MYRIP: variants seen among roughly 807,000 people sequenced by gnomAD.
The protein encoded by MYRIP is myosin VIIA and Rab interacting protein.
Under a neutral mutation model 98.0 loss-of-function variants are expected in MYRIP, and 49 were observed. That is an observed-to-expected ratio of 0.50 (90% CI 0.40 to 0.63). The LOEUF is 0.63. Ranked by LOEUF, MYRIP falls within the 30% of genes least tolerant of loss-of-function variation. The pLI, the probability that MYRIP is intolerant of heterozygous loss-of-function variation, is 0.00. For missense variants in MYRIP, 1,004 were observed against 1,058.2 expected (o/e 0.95, Z 0.71); for synonymous variants, 404 against 409.5 (o/e 0.99, Z 0.16).
At chr3:39,947,209 A>T (rs1188957084) in intron 2 of MYRIP, among the ~76,000 whole-genome samples, 1 of 152,178 alleles carries the variant, frequency 6.6e-6, no homozygotes, top group Non-Finnish European at 1.5e-5. Context: ...GATGAGATTA[A>T]GCATAGCAAT....
At chr3:40,255,840 G>A (rs1300423891) in intron 16 of MYRIP, among the ~76,000 whole-genome samples, 1 of 152,166 alleles carries the variant, frequency 6.6e-6, no homozygotes, top group Non-Finnish European at 1.5e-5. Flanking sequence ...ATCTAACTAT[G>A]CTTTATAGAT....
chr3:39,859,996 C>T (rs1190514715), intron 1 of MYRIP, among the ~76,000 whole-genome samples: 1 of 152,114 alleles, frequency 6.6e-6, no homozygotes, highest in African/African-American at 2.4e-5. Context: ...CAACATAGTA[C>T]TAAAAGTTCT....
At chr3:40,254,677 G>C (rs781433872) in intron 16 of MYRIP, among the ~76,000 whole-genome samples, 1 of 152,090 alleles carries the variant, frequency 6.6e-6, no homozygotes, top group Non-Finnish European at 1.5e-5. Flanking sequence ...GGAGAGGCAG[G>C]CTTGCATGAC....
chr3:40,056,551 G>A (rs1465714523), intron 3 of MYRIP, among the ~76,000 whole-genome samples: 2 of 152,238 alleles, frequency 1.3e-5, no homozygotes, highest in African/African-American at 4.8e-5. Flanking sequence ...TTTAATTAGA[G>A]AGAATTTTAT....
At chr3:40,099,887 G>T (rs900678435) in intron 3 of MYRIP, 11 of 649,632 alleles carry the variant, frequency 1.7e-5, no homozygotes, top group Non-Finnish European at 2.1e-5. Context: ...GTATTAAACC[G>T]GGCAGCTTTA....
chr3:40,243,674 G>C (rs561780293), intron 12 of MYRIP, among the ~76,000 whole-genome samples: 1 of 152,118 alleles, frequency 6.6e-6, no homozygotes, highest in Non-Finnish European at 1.5e-5. Context: ...GGATGGGGGG[G>C]TATTTGTTTC....
At chr3:39,898,686 T>A (rs983064651) in intron 1 of MYRIP, among the ~76,000 whole-genome samples, 3 of 152,180 alleles carry the variant, frequency 2.0e-5, no homozygotes, top group Admixed American at 2.0e-4. Flanking sequence ...ATGGTGGTGG[T>A]AGTGACTGTC....
At chr3:39,838,843 CT>C (rs1280973982) in intron 1 of MYRIP, among the ~76,000 whole-genome samples, 1 of 151,986 alleles carries the variant, frequency 6.6e-6, no homozygotes, top group Non-Finnish European at 1.5e-5. Flanking sequence ...TGGTTCTGGG[CT>C]TTTTTCGGTT....
At chr3:39,918,296 A>G (rs1944217659) in intron 2 of MYRIP, among the ~76,000 whole-genome samples, 2 of 152,092 alleles carry the variant, frequency 1.3e-5, no homozygotes, top group African/African-American at 4.8e-5. Context: ...ATTTAATCAT[A>G]TTTTCTAACT....
chr3:39,974,015 T>A (rs1945673611), intron 2 of MYRIP, among the ~76,000 whole-genome samples: 1 of 151,802 alleles, frequency 6.6e-6, no homozygotes, highest in Middle Eastern at 3.4e-3. Flanking sequence ...GCAAACACAT[T>A]CAAAGCTAGC....
chr3:40,250,015 A>G (rs189222980), intron 13 of MYRIP, among the ~76,000 whole-genome samples: 281 of 152,300 alleles, frequency 1.8e-3, no homozygotes, highest in Non-Finnish European at 2.7e-3. Flanking sequence ...CTAACAAACT[A>G]GAAATTTAAA....
Position 40,044,238 on chromosome 3 carries a change from A to T in MYRIP, c.299A>T (p.Lys100Met), listed in dbSNP as rs78333608. The change falls in exon 3 of 17, where the codon AAG becomes ATG. Residue 100 changes from lysine to methionine, a missense_variant. Lys to Met is a moderately conservative substitution (Grantham distance 95). Transcript: ENST00000302541. ...TGCTGCTCCTACCAGAAGCACGAAA[A>T]GGCCTGGGTCTGCTGCGTCTGCCAG... ...KSCCSYQKHE[K>M]AWVCCVCQQA... 385 of 1,614,056 alleles carry T rather than the reference A, an allele frequency of 2.4e-4. 1 individual carries two copies. The highest frequency in any genetic ancestry group is 2.6e-4 in the Non-Finnish European group (306 of 1,180,022).
At chr3:40,203,196 C>T (rs2125649988) in intron 10 of MYRIP, among the ~76,000 whole-genome samples, 1 of 152,208 alleles carries the variant, frequency 6.6e-6, no homozygotes, top group African/African-American at 2.4e-5. Flanking sequence ...TCCCAAAGTG[C>T]TGGGATTACA....
intron 1 of MYRIP, among the ~76,000 whole-genome samples, chr3:39,815,624 C>A (rs1185544892): frequency 6.6e-6 from 1 of 152,062 alleles, no homozygotes; most frequent in Non-Finnish European, 1.5e-5. Flanking sequence ...TCTGGATATT[C>A]TGTAGAAAGC....
chr3:39,815,952 A>G (rs901087754), intron 1 of MYRIP, among the ~76,000 whole-genome samples: 4 of 150,846 alleles, frequency 2.7e-5, no homozygotes, highest in African/African-American at 9.7e-5. Context: ...ATCCTCTTTA[A>G]CAAAGTTGAA....
chr3:39,815,070 A>G (rs1940854116), intron 1 of MYRIP, among the ~76,000 whole-genome samples: 1 of 152,158 alleles, frequency 6.6e-6, no homozygotes, highest in South Asian at 2.1e-4. Context: ...TTTTTAGTAA[A>G]TTTGCAGGGT....
At chr3:39,977,311 C>T (rs571419266) in intron 2 of MYRIP, among the ~76,000 whole-genome samples, 2 of 152,188 alleles carry the variant, frequency 1.3e-5, no homozygotes, top group South Asian at 4.2e-4. Flanking sequence ...GCTTAGTCAG[C>T]ACACTCAGAG....
At chr3:39,981,439 T>C (rs1047483048) in intron 2 of MYRIP, among the ~76,000 whole-genome samples, 1 of 152,236 alleles carries the variant, frequency 6.6e-6, no homozygotes, top group East Asian at 1.9e-4. Context: ...ATTAATTATA[T>C]TCCTCCTTGC....
intron 3 of MYRIP, among the ~76,000 whole-genome samples, chr3:40,102,541 G>A (rs985427678): frequency 1.3e-5 from 2 of 152,300 alleles, no homozygotes; most frequent in Non-Finnish European, 2.9e-5. Flanking sequence ...AGAAGTAAAT[G>A]TGTGGGTTTA....
Sources: gnomAD v4.1 joint callset for allele counts (sites outside exome capture counted in the v4.1 genomes callset) on GRCh38, gnomAD v4.1.1 for gene constraint, MANE v1.5 for transcripts, NCBI Gene and HGNC (gene_info 2026-07-23, HGNC 2026-07-21) for gene names.